The following MTMR4 variants were observed in gnomAD, a reference collection of about 807,000 sequenced individuals.
The protein encoded by MTMR4 is myotubularin related protein 4, also known as phosphatidylinositol-3,5-bisphosphate 3-phosphatase MTMR4.
MTMR4 carries 30 observed loss-of-function variants against 125.5 expected under a neutral mutation model. That is an observed-to-expected ratio of 0.24 (90% confidence interval 0.18 to 0.32). The LOEUF is 0.32. Among genes scored for constraint, MTMR4 ranks in the 10% least tolerant of loss-of-function variants. The pLI is 1.00. For missense variants in MTMR4, 1,039 were observed against 1,511.5 expected (o/e 0.69, Z 5.18); for synonymous variants, 498 against 564.5 (o/e 0.88, Z 1.67).
intron 16 of MTMR4, 107 bp from the exon 17 acceptor site, chr17:58,492,706 T>A: frequency 2.2e-6 from 3 of 1,350,670 alleles, no homozygotes; most frequent in African/African-American, 1.4e-5. Flanking sequence ...CTTATCTTCA[T>A]AACTGGCTAC....
At chr17:58,509,747 C>T (rs572867169) in intron 4 of MTMR4, among the ~76,000 whole-genome samples, 1 of 152,196 alleles carries the variant, frequency 6.6e-6, no homozygotes, top group African/African-American at 2.4e-5. Flanking sequence ...AACACATTTT[C>T]CCATAGCATA....
At position 58,503,782 on chromosome 17, in the gene MTMR4, C is replaced by T. The variant is rs1354395553; in HGVS notation, c.1815G>A (p.Val605=). 1 of 1,614,102 alleles carries T rather than the reference C, an allele frequency of 6.2e-7. No individual in the cohort carries two copies. ...EENMDLYLSP[V]AQSQEFSGRS... ...GGCCAGAGAACTCCTGGCTCTGGGC[C>T]ACTGGGGAAAGGTAAAGATCCATGT... is the stretch of plus-strand genomic sequence containing the variant. The change falls in exon 14 of 18, where the codon GTG becomes GTA. Residue 605 remains valine, a synonymous_variant. Coordinates refer to ENST00000682306, the MANE Select transcript of MTMR4 (RefSeq NM_001378067.1).
In MTMR4 at chr17:58,504,159, C is replaced by T. The variant is rs778688663; in HGVS notation, c.1589G>A (p.Cys530Tyr). Residue 530 changes from cysteine to tyrosine, a missense_variant, in exon 13 of 18, where the codon TGT (cysteine) becomes TAT (tyrosine). This residue lies in a region of MTMR4 where 619 missense variants were observed against 714.5 expected (regional missense o/e 0.87). Transcript: ENST00000682306. The surrounding 1 kb of genome is among the most constrained non-coding windows in gnomAD (Gnocchi z 7.1). ...LYGTFLANNP[C>Y]EREKRNIYKR... ...GTAGATGTTGCGCTTCTCTCGCTCA[C>T]AGGGGTTGTTGGCCAGGAAGGTGCC... 27 of 1,612,738 alleles carry T rather than the reference C, an allele frequency of 1.7e-5. No individual in the cohort carries two copies. The highest frequency in any genetic ancestry group is 2.1e-5 in the Non-Finnish European group (25 of 1,179,458).
At chr17:58,500,779 T>C in intron 14 of MTMR4, among the ~76,000 whole-genome samples, 1 of 148,100 alleles carries the variant, frequency 6.8e-6, no homozygotes, top group African/African-American at 2.5e-5. Flanking sequence ...AAAGAATTGC[T>C]CTCTCTAGTT....
upstream of MTMR4, among the ~76,000 whole-genome samples, chr17:58,515,800 G>C (rs998124281): frequency 1.3e-5 from 2 of 152,134 alleles, no homozygotes; most frequent in African/African-American, 4.8e-5. Flanking sequence ...AGGGAAGGAG[G>C]AAATCCTCTC....
upstream of MTMR4, chr17:58,517,696 G>A (rs955535493): frequency 6.5e-6 from 1 of 152,676 alleles, no homozygotes; most frequent in Non-Finnish European, 1.5e-5. Context: ...AAGACTGGGA[G>A]GCGGAGCCCC....
At chr17:58,517,758 G>C (rs547207062), upstream of MTMR4, 1 of 152,582 alleles carries the variant, frequency 6.6e-6, no homozygotes, top group African/African-American at 2.4e-5. Flanking sequence ...GGGCGGAGCC[G>C]GGCAAGACGC....
upstream of MTMR4, among the ~76,000 whole-genome samples, chr17:58,518,186 G>T (rs1281629457): frequency 1.3e-5 from 2 of 152,228 alleles, no homozygotes; most frequent in African/African-American, 4.8e-5. Context: ...AGTAAAGAGG[G>T]GGCTGCTGGC....
Position 58,504,090 on chromosome 17 carries a change from T to C in MTMR4, c.1658A>G (p.Lys553Arg). 1 of 1,583,990 alleles carries C rather than the reference T, an allele frequency of 6.3e-7. No individual in the cohort carries two copies. Among genetic ancestry groups the C allele is most frequent in the Non-Finnish European group, 8.6e-7 (1 of 1,166,942 alleles). The change falls in exon 13 of 18, where the codon AAA becomes AGA. Residue 553 changes from lysine (K) to arginine (R), a missense_variant. Coordinates refer to ENST00000682306, the MANE Select transcript of MTMR4 (RefSeq NM_001378067.1). The surrounding 1 kb of genome is among the most constrained non-coding windows in gnomAD (Gnocchi z 7.1). ...SVWALLRAGN[K>R]NFHNFLYTPS... The stretch of plus-strand genomic sequence containing the variant: ...TGTGTAGAGGAAGTTATGAAAGTTT[T>C]TATTGCCAGCTCGAAGGAGCGCCCA...
At chr17:58,498,542 G>A (rs1442805959) in intron 14 of MTMR4, among the ~76,000 whole-genome samples, 1 of 97,902 alleles carries the variant, frequency 1.0e-5, no homozygotes, top group Admixed American at 1.0e-4. Flanking sequence ...GGAGGAGGGG[G>A]GAGGAGGGGG....
chr17:58,499,971 T>C (rs762536314), intron 14 of MTMR4, among the ~76,000 whole-genome samples: 1 of 152,030 alleles, frequency 6.6e-6, no homozygotes, highest in Admixed American at 6.6e-5. Flanking sequence ...AGTAAATTTA[T>C]TTAAATTTAC....
In MTMR4 at chr17:58,491,555, C is replaced by T. The variant is rs1975314532; in HGVS notation, c.*108G>A. 13 of 1,159,440 alleles carry T rather than the reference C, an allele frequency of 1.1e-5. No homozygotes were observed. Among genetic ancestry groups the T allele is most frequent in the South Asian group, 1.5e-5 (1 of 65,152 alleles). 71.8% of individuals were successfully genotyped at this position (1,159,440 alleles called of 1,614,324 possible). On this transcript the variant is annotated 3_prime_UTR_variant, in exon 18 of 18. Transcript: ENST00000682306. The stretch of plus-strand genomic sequence containing the variant: ...CAAGGAGGATTTCTCAAGATGGTAT[C>T]TCTGAGCTCTGTGATTTCATGAGCC...
intron 10 of MTMR4, 130 bp downstream of exon 10, chr17:58,505,342 G>A: frequency 1.4e-6 from 1 of 737,052 alleles, no homozygotes; most frequent in African/African-American, 1.8e-5. Context: ...CTAGCCCACG[G>A]CACCCAACTC....
Position 58,496,326 on chromosome 17 carries a change from G to A in MTMR4, c.1858C>T (p.Pro620Ser), listed in dbSNP as rs761578972. 6.9e-6 allele frequency: 11 copies of A among 1,602,078 alleles called. No homozygotes were observed. In the Admixed American group the frequency reaches 1.2e-4, roughly 18 times the overall value. Residue 620 changes from proline (P) to serine (S), a missense_variant, in exon 15 of 18, where the codon CCT becomes TCT. Physicochemically the swap from Pro to Ser is moderately conservative, Grantham distance 74. Coordinates refer to ENST00000682306, the MANE Select transcript of MTMR4 (RefSeq NM_001378067.1). Reference sequence around the variant, plus strand: ...AGATCATCCATGGATCTGGTTTTAGGTAATCTGGAAAGACAAATATAACAC... The same window carrying A: ...AGATCATCCATGGATCTGGTTTTAGATAATCTGGAAAGACAAATATAACAC... ...EFSGRSLDRL[P>S]KTRSMDDLLS...
At position 58,508,604 on chromosome 17, in the gene MTMR4, C is replaced by T. The variant is rs756054955; in HGVS notation, c.497-40G>A. On this transcript the variant is annotated intron_variant, in intron 5 of 17. Coordinates refer to ENST00000682306, the MANE Select transcript of MTMR4 (RefSeq NM_001378067.1). This position sits in a 1 kb window ranked among gnomAD's most constrained non-coding sequence, Gnocchi z 4.8. ...CCACGATGGTTAGCTTCCCAGAGCA[C>T]CAATGTGCAGGAGTGGAGGAGGGAT... 24 of 1,614,106 alleles carry T rather than the reference C, an allele frequency of 1.5e-5. No individual in the cohort carries two copies. The highest frequency in any genetic ancestry group is 1.9e-5 in the Non-Finnish European group (22 of 1,180,006).
chr17:58,503,715 G>C (rs1470402899), intron 14 of MTMR4, 29 bp downstream of exon 14: 1 of 1,597,380 alleles, frequency 6.3e-7, no homozygotes, highest in Admixed American at 1.7e-5. Flanking sequence ...CTAGTGGAGA[G>C]AGGAGAAAGG....
At position 58,495,763 on chromosome 17, in the gene MTMR4, G is replaced by A; in HGVS notation, c.2421C>T (p.Ala807=). ...GCACACCTAGCATGGAGTCTGGCTG[G>A]GCCTGTTGGGGCGTACCTGTAGGAG... ...QNSPTGTPQQ[A]QPDSMLGVPS... Residue 807 remains alanine (A), a synonymous_variant, in exon 15 of 18, where the codon GCC becomes GCT. Coordinates refer to ENST00000682306, the MANE Select transcript of MTMR4 (RefSeq NM_001378067.1). 3 of 1,614,076 alleles carry A rather than the reference G, an allele frequency of 1.9e-6. No individual in the cohort carries two copies. The South Asian group carries it at 3.3e-5, about 18-fold the overall frequency.
intron 7 of MTMR4, 112 bp from the exon 8 acceptor site, chr17:58,507,431 G>A (rs984076126): frequency 4.7e-6 from 4 of 855,662 alleles, no homozygotes; most frequent in African/African-American, 1.7e-5. Flanking sequence ...AACTCATCCA[G>A]GCCATAACAG....
Position 58,492,925 on chromosome 17 carries a change from C to T in MTMR4, c.3280G>A (p.Asp1094Asn). ...TGATCAGAGCCAAAATCCTCAGTAT[C>T]ACTGCCATCTGACTCCTTCAAACAT... ...FTCLKESDGS[D>N]TEDFGSDHSE... Residue 1094 changes from aspartate to asparagine, a missense_variant, in exon 16 of 18, where the codon GAT (aspartate) becomes AAT (asparagine). By Grantham distance (23) the Asp-to-Asn change is conservative. Transcript: ENST00000682306. 1 of 1,614,228 alleles carries T rather than the reference C, an allele frequency of 6.2e-7. No homozygotes were observed. Among genetic ancestry groups the T allele is most frequent in the East Asian group, 2.2e-5 (1 of 44,888 alleles).
Sources: allele counts gnomAD v4.1 joint callset (sites outside exome capture counted in the v4.1 genomes callset), GRCh38; gene constraint gnomAD v4.1.1; regional missense constraint gnomAD v4.1.1; non-coding constraint Gnocchi (gnomAD v3.1); transcripts MANE v1.5; gene names NCBI Gene and HGNC (gene_info 2026-07-23, HGNC 2026-07-21).